The following PHF20 variants were observed in gnomAD, a reference collection of about 807,000 sequenced individuals.
PHF20 encodes glioma-expressed antigen 2.
Under a neutral mutation model 113.5 loss-of-function variants are expected in PHF20, and 23 were observed. The observed-to-expected ratio is 0.20, with a 90% CI of 0.15 to 0.29. The LOEUF (loss-of-function observed/expected upper bound fraction) is 0.29. PHF20 is among the 10% of genes least tolerant of loss of function. The probability of loss-of-function intolerance (pLI) is 1.00; values close to 1 mark genes in which losing one functional copy is unlikely to be tolerated. For missense variants in PHF20, 943 were observed against 1,219.6 expected (o/e 0.77, Z 3.38); for synonymous variants, 434 against 457.3 (o/e 0.95, Z 0.65).
intron 9 of PHF20, among the ~76,000 whole-genome samples, chr20:35,885,661 T>C (rs965623097): frequency 6.6e-6 from 1 of 152,008 alleles, no homozygotes; most frequent in Non-Finnish European, 1.5e-5. Context: ...GTTGTGACCT[T>C]TTCAGGTGCA....
In PHF20 at chr20:35,781,228, CCTT is replaced by C. The variant is rs1258286991; in HGVS notation, c.-33+9152_-33+9154del. ...ACACGATCTTGGCTCACTGCAACCTCCTTCTCTGGGGTTCAAGTGATTCTCATG... is the reference window on the plus strand; with the variant it reads ...ACACGATCTTGGCTCACTGCAACCTCCTCTGGGGTTCAAGTGATTCTCATG... On this transcript the variant is annotated intron_variant, in intron 1 of 17. Transcript: ENST00000374012. 4.6e-5 allele frequency among the ~76,000 whole-genome samples: 7 copies of C among 151,880 alleles called. No homozygotes were observed. The South Asian group carries it at 6.2e-4, about 13-fold the overall frequency.
chr20:35,901,330 G>A (rs565510854), intron 10 of PHF20, among the ~76,000 whole-genome samples: 3 of 150,898 alleles, frequency 2.0e-5, no homozygotes, highest in Admixed American at 6.6e-5. Flanking sequence ...CAGGAGAATC[G>A]CTTGAACCTA....
intron 2 of PHF20, among the ~76,000 whole-genome samples, chr20:35,838,595 C>T (rs1354222267): frequency 6.6e-6 from 1 of 152,030 alleles, no homozygotes; most frequent in East Asian, 1.9e-4. Context: ...ATAGAGCTGC[C>T]TTATTCTTTT....
intron 5 of PHF20, among the ~76,000 whole-genome samples, chr20:35,860,744 G>A (rs1044685528): frequency 2.8e-4 from 42 of 152,176 alleles, no homozygotes; most frequent in Admixed American, 3.3e-4. Flanking sequence ...CCTTAAATTT[G>A]GCAATTTTTG....
At position 35,947,674 on chromosome 20, in the gene PHF20, A is replaced by T. The variant is rs768435477; in HGVS notation, c.*47A>T. The T allele has an allele frequency of 3.2e-6, 5 of 1,585,204 alleles. No individual in the cohort carries two copies. In the African/African-American group the frequency reaches 6.8e-5, roughly 21 times the overall value. On this transcript the variant is annotated 3_prime_UTR_variant, in exon 18 of 18. Transcript: ENST00000374012. ...GGGGGCACAATCCTGGGGCACCTGC[A>T]GGAGGAGCTTCGCATATTTAAATAA...
intron 2 of PHF20, among the ~76,000 whole-genome samples, chr20:35,818,754 C>G (rs914222762): frequency 6.6e-6 from 1 of 152,018 alleles, no homozygotes; most frequent in Non-Finnish European, 1.5e-5. Context: ...TTAGGCTGGT[C>G]TCAAACTCCA....
At chr20:35,923,879 G>A (rs965335772) in intron 13 of PHF20, among the ~76,000 whole-genome samples, 1 of 152,090 alleles carries the variant, frequency 6.6e-6, no homozygotes, top group East Asian at 1.9e-4. Flanking sequence ...AGCCTTCTAA[G>A]TAGCTGAGAC....
chr20:35,863,502 T>A, intron 6 of PHF20, 102 bp downstream of exon 6: 1 of 1,199,098 alleles, frequency 8.3e-7, no homozygotes, highest in Admixed American at 2.5e-5. Context: ...TTTATTTTTG[T>A]GACTGATTTT....
At chr20:35,869,343 CATATATATATGTAT>C in intron 6 of PHF20, 81 bp from the exon 7 acceptor site, 1 of 574,210 alleles carries the variant, frequency 1.7e-6, no homozygotes, top group Non-Finnish European at 3.0e-6. Flanking sequence ...GTGATTTCTG[CATATATATATGTAT>C]ATATGTTTTA....
rs183648596 is a variant in PHF20 at position 35,905,556 on chromosome 20, G to A, written c.1561+5908G>A. On this transcript the variant is annotated intron_variant, in intron 10 of 17. Transcript: ENST00000374012. Reference sequence around the variant, plus strand: ...GGCCATCTGCAAACTGGGAAGAGGGGCCTCACTGGGAACCAAATAGTCTGG... The same window carrying A: ...GGCCATCTGCAAACTGGGAAGAGGGACCTCACTGGGAACCAAATAGTCTGG... Among the ~76,000 whole-genome samples, 283 of 152,320 alleles carry A rather than the reference G, an allele frequency of 1.9e-3. 1 individual carries two copies. Among genetic ancestry groups the A allele is most frequent in the African/African-American group, 6.4e-3 (268 of 41,562 alleles).
In PHF20 at chr20:35,923,418, T is replaced by C. The variant is rs185936265; in HGVS notation, c.2005-4362T>C. Among the ~76,000 whole-genome samples the C allele has an allele frequency of 2.0e-3, 302 of 152,246 alleles. 2 individuals are homozygous for C. Among genetic ancestry groups the C allele is most frequent in the South Asian group, 0.011 (52 of 4,814 alleles). The stretch of plus-strand genomic sequence containing the variant: ...GAGTTCAAAACCAGCTTGGGCAACA[T>C]AGAGAGACCCCGTTTCTACAAGAAA... On this transcript the variant is annotated intron_variant, in intron 13 of 17. Transcript: ENST00000374012.
rs143012816 is a variant in PHF20, at chr20:35,886,452, T to G, written c.1283-12918T>G. ...TCGCTAATCTTTGATTGCTTTTTGA[T>G]GCTTCAAGCTGAAAAAATTATTCCT... On this transcript the variant is annotated intron_variant, in intron 9 of 17. Coordinates refer to ENST00000374012, the MANE Select transcript of PHF20 (RefSeq NM_016436.5). Among the ~76,000 whole-genome samples the G allele has an allele frequency of 6.6e-5, 10 of 152,324 alleles. No individual in the cohort carries two copies. The East Asian group carries it at 1.9e-3, about 29-fold the overall frequency.
intron 1 of PHF20, among the ~76,000 whole-genome samples, chr20:35,799,500 G>A (rs938973170): frequency 6.6e-6 from 1 of 151,748 alleles, no homozygotes; most frequent in African/African-American, 2.4e-5. Flanking sequence ...TTTAGTGGGA[G>A]GAAAGAGTTA....
chr20:35,946,150 C>T (rs1293910420), intron 17 of PHF20, among the ~76,000 whole-genome samples: 1 of 149,864 alleles, frequency 6.7e-6, no homozygotes, highest in Non-Finnish European at 1.5e-5. Flanking sequence ...CCAGCCCAGG[C>T]AACAAGAGCG....
intron 1 of PHF20, among the ~76,000 whole-genome samples, chr20:35,783,181 C>T (rs560533250): frequency 6.6e-6 from 1 of 152,090 alleles, no homozygotes; most frequent in African/African-American, 2.4e-5. Context: ...GTGTGGGTGA[C>T]AGTGAGAGCC....
intron 2 of PHF20, among the ~76,000 whole-genome samples, chr20:35,814,502 C>T (rs1279320649): frequency 1.3e-5 from 2 of 151,298 alleles, no homozygotes; most frequent in African/African-American, 2.4e-5. Context: ...CAGGCGTGAA[C>T]CGCTGCGCCC....
At chr20:35,941,889 T>C (rs2055986748) in intron 17 of PHF20, among the ~76,000 whole-genome samples, 1 of 152,176 alleles carries the variant, frequency 6.6e-6, no homozygotes, top group African/African-American at 2.4e-5. Flanking sequence ...CTAAAACTCC[T>C]GAGACTGAAG....
intron 2 of PHF20, among the ~76,000 whole-genome samples, chr20:35,819,672 G>A (rs1022570011): frequency 2.7e-5 from 4 of 148,048 alleles, no homozygotes; most frequent in African/African-American, 5.0e-5. Flanking sequence ...GTGTGTGTGT[G>A]TGTGTTTTTA....
intron 2 of PHF20, chr20:35,838,386 A>G (rs2042478460): frequency 6.6e-6 from 1 of 152,098 alleles, no homozygotes; most frequent in Non-Finnish European, 1.5e-5. Context: ...CCCTTCCGGG[A>G]GGCAAACCGG....
Sources: gnomAD v4.1 joint callset for allele counts (sites outside exome capture counted in the v4.1 genomes callset) on GRCh38, gnomAD v4.1.1 for gene constraint, MANE v1.5 for transcripts, NCBI Gene and HGNC (gene_info 2026-07-23, HGNC 2026-07-21) for gene names.